The following KLHL1 variants were observed in gnomAD, a reference collection of about 807,000 sequenced individuals.
KLHL1 encodes the protein kelch like family member 1.
KLHL1 carries 47 observed loss-of-function variants against 77.7 expected under a neutral mutation model. The observed-to-expected ratio is 0.60, with a 90% confidence interval of 0.48 to 0.77. The LOEUF (loss-of-function observed/expected upper bound fraction) is 0.77. KLHL1 is among the 30% of genes least tolerant of loss of function. The probability of loss-of-function intolerance (pLI) is 0.00; values close to 1 mark genes in which losing one functional copy is unlikely to be tolerated. For synonymous variants in KLHL1, 360 were observed against 325.2 expected (o/e 1.11, Z -1.15); for missense variants, 925 against 910.8 (o/e 1.02, Z -0.20).
intron 3 of KLHL1, among the ~76,000 whole-genome samples, chr13:69,941,732 A>G (rs1486164225): frequency 6.6e-6 from 1 of 152,084 alleles, no homozygotes; most frequent in African/African-American, 2.4e-5. Flanking sequence ...CTTAACCAAA[A>G]AAGAAGAGAG....
chr13:69,703,847 G>A (rs1288623699), intron 10 of KLHL1, among the ~76,000 whole-genome samples: 1 of 151,658 alleles, frequency 6.6e-6, no homozygotes, highest in African/African-American at 2.4e-5. Flanking sequence ...TCAGTGTGTA[G>A]TAGGCCATAC....
chr13:69,858,408 G>A (rs777280974), intron 5 of KLHL1, among the ~76,000 whole-genome samples: 11 of 151,978 alleles, frequency 7.2e-5, no homozygotes, highest in Admixed American at 2.6e-4. Context: ...TGTATAAATC[G>A]TTCTGCCATT....
At chr13:69,743,988 G>A (rs1228142150) in intron 7 of KLHL1, among the ~76,000 whole-genome samples, 1 of 152,062 alleles carries the variant, frequency 6.6e-6, no homozygotes, top group African/African-American at 2.4e-5. Context: ...ACATTTAAGT[G>A]GGGCAAATAA....
intron 10 of KLHL1, among the ~76,000 whole-genome samples, chr13:69,703,386 C>T (rs906033118): frequency 2.0e-5 from 3 of 150,456 alleles, no homozygotes; most frequent in African/African-American, 7.3e-5. Flanking sequence ...TGTGTTTGTG[C>T]TTTAATGTAA....
chr13:70,037,104 G>C (rs767141707), intron 1 of KLHL1, among the ~76,000 whole-genome samples: 12 of 151,778 alleles, frequency 7.9e-5, no homozygotes, highest in Non-Finnish European at 1.6e-4. Context: ...GTTGATTGTT[G>C]TAATGCCAAT....
chr13:69,817,420 T>A (rs184966049), intron 6 of KLHL1, among the ~76,000 whole-genome samples: 22 of 152,146 alleles, frequency 1.4e-4, no homozygotes, highest in Middle Eastern at 3.4e-3. Flanking sequence ...GTTTTCCTTT[T>A]TCATAAATGA....
intron 7 of KLHL1, among the ~76,000 whole-genome samples, chr13:69,784,881 C>CTTTTT (rs1566250066): frequency 3.6e-5 from 4 of 110,886 alleles, no homozygotes; most frequent in Non-Finnish European, 3.9e-5. Context: ...ACAGAATATA[C>CTTTTT]ATTTTTTTTT....
In KLHL1 at chr13:69,788,354, C is replaced by A. The variant is rs565625200; in HGVS notation, c.1639+8384G>T. ...CCATAAAAAATAAAGAGTTCACGTCCTTTGTAGGGACATGGATGAAACTGG... is the reference window on the plus strand; with the variant it reads ...CCATAAAAAATAAAGAGTTCACGTCATTTGTAGGGACATGGATGAAACTGG... On this transcript the variant is annotated intron_variant, in intron 7 of 10. Coordinates refer to ENST00000377844, the MANE Select transcript of KLHL1 (RefSeq NM_020866.3). Among the ~76,000 whole-genome samples the A allele has an allele frequency of 1.4e-3, 215 of 152,260 alleles. 1 individual carries two copies. The highest frequency in any genetic ancestry group is 5.0e-3 in the African/African-American group (206 of 41,558).
intron 1 of KLHL1, among the ~76,000 whole-genome samples, chr13:70,094,248 C>T (rs1887735548): frequency 6.6e-6 from 1 of 151,994 alleles, no homozygotes; most frequent in Non-Finnish European, 1.5e-5. Flanking sequence ...ATAACTTGAG[C>T]TCAGGAGTTC....
chr13:69,750,598 A>G (rs1440450380), intron 7 of KLHL1, among the ~76,000 whole-genome samples: 1 of 151,942 alleles, frequency 6.6e-6, no homozygotes, highest in Non-Finnish European at 1.5e-5. Context: ...AATATATACA[A>G]GCACTCTATA....
At chr13:69,923,058 C>A (rs1882694793) in intron 4 of KLHL1, among the ~76,000 whole-genome samples, 1 of 151,702 alleles carries the variant, frequency 6.6e-6, no homozygotes. Context: ...CAAATGCAAC[C>A]CTCTCTGTTC....
At chr13:69,899,524 C>T (rs755192945) in intron 4 of KLHL1, among the ~76,000 whole-genome samples, 3 of 152,112 alleles carry the variant, frequency 2.0e-5, no homozygotes, top group Non-Finnish European at 4.4e-5. Context: ...AGGTGAGAAG[C>T]GCATTAACAC....
At chr13:70,102,693 C>T (rs577448612) in intron 1 of KLHL1, among the ~76,000 whole-genome samples, 70 of 152,084 alleles carry the variant, frequency 4.6e-4, no homozygotes, top group African/African-American at 1.6e-3. Context: ...AATTAATTAC[C>T]CTCTTTATAT....
chr13:69,994,348 T>C (rs1885097553), intron 1 of KLHL1, among the ~76,000 whole-genome samples: 1 of 152,134 alleles, frequency 6.6e-6, no homozygotes, highest in Non-Finnish European at 1.5e-5. Flanking sequence ...AAGCCTTCTT[T>C]GATTGCAGAA....
chr13:70,068,767 T>A (rs1380692459), intron 1 of KLHL1, among the ~76,000 whole-genome samples: 1 of 152,232 alleles, frequency 6.6e-6, no homozygotes, highest in African/African-American at 2.4e-5. Context: ...GCTATCAGTT[T>A]TTCCTCCACA....
At chr13:69,930,308 T>G (rs1882959396) in intron 4 of KLHL1, among the ~76,000 whole-genome samples, 1 of 151,914 alleles carries the variant, frequency 6.6e-6, no homozygotes, top group African/African-American at 2.4e-5. Flanking sequence ...AGGTATTTTT[T>G]ATTCTAAATG....
chr13:69,748,829 C>A (rs939577255), intron 7 of KLHL1, among the ~76,000 whole-genome samples: 1 of 151,802 alleles, frequency 6.6e-6, no homozygotes, highest in Non-Finnish European at 1.5e-5. Flanking sequence ...TTAAGAATTG[C>A]AAGCAGAATG....
chr13:69,884,861 A>G (rs1308404547), intron 4 of KLHL1, among the ~76,000 whole-genome samples: 1 of 151,624 alleles, frequency 6.6e-6, no homozygotes, highest in East Asian at 1.9e-4. Context: ...AAGGCTATAG[A>G]CTTTTATAGT....
At chr13:69,738,486 A>G (rs552713522) in intron 8 of KLHL1, among the ~76,000 whole-genome samples, 23 of 152,246 alleles carry the variant, frequency 1.5e-4, no homozygotes, top group African/African-American at 5.3e-4. Flanking sequence ...CATTGCAAAG[A>G]AACTAAGAAC....
Sources: allele counts gnomAD v4.1 joint callset (sites outside exome capture counted in the v4.1 genomes callset), GRCh38; gene constraint gnomAD v4.1.1; transcripts MANE v1.5; gene names NCBI Gene and HGNC (gene_info 2026-07-23, HGNC 2026-07-21).